The following LARGE1 variants were observed in gnomAD, a reference collection of about 807,000 sequenced individuals.
The protein encoded by LARGE1 is LARGE xylosyl- and glucuronyltransferase 1.
Under a neutral mutation model 87.6 loss-of-function variants are expected in LARGE1, and 43 were observed. The ratio of observed to expected loss-of-function variants is 0.49; its 90% CI spans 0.38 to 0.63. The LOEUF is 0.63. LARGE1 is among the 30% of genes least tolerant of loss of function. The probability of loss-of-function intolerance (pLI) is 0.00; values close to 1 mark genes in which losing one functional copy is unlikely to be tolerated. For missense variants in LARGE1, 802 were observed against 1,000.2 expected, an observed-to-expected ratio of 0.80 and a Z score of 2.67; for synonymous variants, 434 against 394.6, an observed-to-expected ratio of 1.10 and a Z score of -1.18.
intron 3 of LARGE1, among the ~76,000 whole-genome samples, chr22:33,628,913 G>A (rs2080016116): frequency 6.6e-6 from 1 of 152,100 alleles, no homozygotes; most frequent in Non-Finnish European, 1.5e-5. Flanking sequence ...ATGCTGCTCA[G>A]CATCCCACAA....
chr22:33,301,068 G>T (rs1260207396), intron 12 of LARGE1, among the ~76,000 whole-genome samples: 3 of 152,188 alleles, frequency 2.0e-5, no homozygotes, highest in South Asian at 2.1e-4. Flanking sequence ...GGCTTCATTG[G>T]AGTCCTCAGC....
chr22:33,235,254 C>T (rs568790762), intron 11 of LARGE1, among the ~76,000 whole-genome samples: 2 of 152,200 alleles, frequency 1.3e-5, no homozygotes, highest in East Asian at 3.9e-4. Context: ...GAATAAAAAC[C>T]AAGTAGACAA....
At chr22:33,532,828 C>A (rs573411731) in intron 6 of LARGE1, among the ~76,000 whole-genome samples, 1 of 152,274 alleles carries the variant, frequency 6.6e-6, no homozygotes, top group South Asian at 2.1e-4. Context: ...TAGTGTTAGG[C>A]GCAACGGCCC....
chr22:33,565,509 A>C (rs767181406), intron 5 of LARGE1, among the ~76,000 whole-genome samples: 3 of 152,210 alleles, frequency 2.0e-5, no homozygotes, highest in Non-Finnish European at 4.4e-5. Context: ...TATTCTTTTA[A>C]AACTGTAATT....
intron 9 of LARGE1, among the ~76,000 whole-genome samples, chr22:33,370,106 A>G (rs1305911515): frequency 6.6e-6 from 1 of 152,218 alleles, no homozygotes; most frequent in African/African-American, 2.4e-5. Context: ...ATAGCCTAAA[A>G]TAATAAAAAT....
intron 1 of LARGE1, among the ~76,000 whole-genome samples, chr22:33,779,085 TGC>T (rs372343761): frequency 4.1e-4 from 63 of 152,366 alleles, no homozygotes; most frequent in African/African-American, 1.5e-3. Flanking sequence ...TACAAACATT[TGC>T]GCGTAAGTAC....
In LARGE1 at chr22:33,624,955, G is replaced by A. The variant is rs149316237; in HGVS notation, c.491+1289C>T. Reference sequence around the variant, plus strand: ...CTGACTGCAGATGGGCTTGTTGGAAGACAGAGAGAAGGTAGAACCAATGAC... The same window carrying A: ...CTGACTGCAGATGGGCTTGTTGGAAAACAGAGAGAAGGTAGAACCAATGAC... On this transcript the variant is annotated intron_variant, in intron 4 of 14. Coordinates refer to ENST00000397394, the MANE Select transcript of LARGE1 (RefSeq NM_133642.5). 1.8e-4 allele frequency among the ~76,000 whole-genome samples: 28 copies of A among 152,330 alleles called. No homozygotes were observed. In the East Asian group the frequency reaches 5.2e-3, roughly 28 times the overall value.
chr22:33,356,118 A>G (rs1045088759), intron 9 of LARGE1, among the ~76,000 whole-genome samples: 4 of 152,236 alleles, frequency 2.6e-5, no homozygotes, highest in African/African-American at 9.6e-5. Context: ...ATGCTGTCAT[A>G]GGGTAAAATT....
At chr22:33,697,290 G>A (rs567739260) in intron 2 of LARGE1, among the ~76,000 whole-genome samples, 34 of 152,242 alleles carry the variant, frequency 2.2e-4, no homozygotes, top group African/African-American at 6.5e-4. Context: ...AGCAGGGTCC[G>A]TAAGGGAGCA....
intron 1 of LARGE1, among the ~76,000 whole-genome samples, chr22:33,811,960 T>C (rs781590382): frequency 5.3e-5 from 8 of 152,054 alleles, no homozygotes; most frequent in Non-Finnish European, 1.0e-4. Flanking sequence ...TAGCGCTCAA[T>C]TGCATGACCT....
At chr22:33,239,664 G>A (rs537520267) in intron 11 of LARGE1, among the ~76,000 whole-genome samples, 5 of 146,114 alleles carry the variant, frequency 3.4e-5, no homozygotes, top group South Asian at 2.3e-4. Context: ...TCGGCCTCCC[G>A]AGTAGCTGGG....
chr22:33,883,467 A>C (rs2146775113), intron 1 of LARGE1, among the ~76,000 whole-genome samples: 1 of 152,276 alleles, frequency 6.6e-6, no homozygotes, highest in East Asian at 1.9e-4. Context: ...TCCCTGTTTC[A>C]GCCTTTGCTA....
chr22:33,090,456 A>G, the LARGE1 span, among the ~76,000 whole-genome samples: 3 of 152,176 alleles, frequency 2.0e-5, no homozygotes, highest in Middle Eastern at 3.2e-3. Flanking sequence ...ACTGGGCACA[A>G]GCTTGGAGGA....
chr22:33,631,023 T>G (rs2080093607), intron 3 of LARGE1, among the ~76,000 whole-genome samples: 1 of 152,040 alleles, frequency 6.6e-6, no homozygotes, highest in Admixed American at 6.6e-5. Context: ...CGGCTAATTT[T>G]TTTGTATTTT....
At chr22:33,228,638 T>C (rs1000316357) in intron 11 of LARGE1, among the ~76,000 whole-genome samples, 29 of 152,314 alleles carry the variant, frequency 1.9e-4, no homozygotes, top group African/African-American at 6.5e-4. Flanking sequence ...TACATCTTTC[T>C]CTGCAATACC....
At chr22:33,777,652 G>A (rs1381603359) in intron 1 of LARGE1, among the ~76,000 whole-genome samples, 1 of 117,868 alleles carries the variant, frequency 8.5e-6, no homozygotes, top group East Asian at 2.3e-4. Context: ...AAGGGGGAGG[G>A]GGAGGGGGAG....
chr22:33,141,841 A>G, the LARGE1 span, among the ~76,000 whole-genome samples: 3 of 152,118 alleles, frequency 2.0e-5, no homozygotes, highest in Non-Finnish European at 4.4e-5. Context: ...TTTAAAGACT[A>G]TTTCTACTGA....
chr22:33,854,339 G>A (rs982217196), intron 1 of LARGE1, among the ~76,000 whole-genome samples: 3 of 151,536 alleles, frequency 2.0e-5, no homozygotes, highest in South Asian at 4.2e-4. Flanking sequence ...TACTTCAGCA[G>A]TTGATGGCAG....
At chr22:33,732,185 AC>A (rs1328336180) in intron 2 of LARGE1, 1 of 152,188 alleles carries the variant, frequency 6.6e-6, no homozygotes, top group Admixed American at 6.5e-5. Context: ...CAGAAATGAG[AC>A]ACAAGAACAG....
Sources: allele counts gnomAD v4.1 joint callset (sites outside exome capture counted in the v4.1 genomes callset), GRCh38; gene constraint gnomAD v4.1.1; transcripts MANE v1.5; gene names NCBI Gene and HGNC (gene_info 2026-07-23, HGNC 2026-07-21).